Variants in STAT3 observed in about 807,000 individuals in gnomAD.
STAT3 encodes the protein signal transducer and activator of transcription 3.
A neutral mutation model predicts 114.3 loss-of-function variants in STAT3; 7 were observed. The ratio of observed to expected loss-of-function variants is 0.06; its 90% confidence interval spans 0.03 to 0.11. The LOEUF (loss-of-function observed/expected upper bound fraction) is 0.11, where lower values mean the gene tolerates loss of function less well. STAT3 is among the 10% of genes least tolerant of loss of function. The pLI is 1.00. For missense variants in STAT3, 364 were observed against 960.9 expected, an observed-to-expected ratio of 0.38 and a Z score of 8.21; for synonymous variants, 331 against 354.5, an observed-to-expected ratio of 0.93 and a Z score of 0.74.
chr17:42,354,146 C>A (rs1435588431), intron 1 of STAT3, among the ~76,000 whole-genome samples: 3 of 147,422 alleles, frequency 2.0e-5, no homozygotes. Flanking sequence ...CAGAGGAGGG[C>A]TAGTAAGTAG....
At chr17:42,358,675 C>T (rs2083347902) in intron 1 of STAT3, among the ~76,000 whole-genome samples, 3 of 152,106 alleles carry the variant, frequency 2.0e-5, no homozygotes, top group Non-Finnish European at 2.9e-5. Flanking sequence ...ACAGTAGAGA[C>T]GGGAGCTGGA....
Position 42,314,364 on chromosome 17 carries a change from C to G in STAT3, c.*1381G>C, listed in dbSNP as rs868515978. ...TGTGCATCATGTCCAACCTGTAACT[C>G]TCTCCCCCTCTTCTTCCATGAGGTC... On this transcript the variant is annotated 3_prime_UTR_variant, in exon 24 of 24. Coordinates refer to ENST00000264657, the MANE Select transcript of STAT3 (RefSeq NM_139276.3). 2.1e-5 allele frequency: 5 copies of G among 232,982 alleles called. No homozygotes were observed. The highest frequency in any genetic ancestry group is 3.6e-4 in the South Asian group (2 of 5,522). 14.4% of individuals were successfully genotyped at this position (232,982 alleles called of 1,614,324 possible). A position where few individuals can be genotyped will look rare whatever the true frequency, so the allele number is the denominator to read the frequency against.
At chr17:42,321,916 T>C (rs1050201626) in intron 21 of STAT3, among the ~76,000 whole-genome samples, 2 of 152,086 alleles carry the variant, frequency 1.3e-5, no homozygotes, top group African/African-American at 4.8e-5. Context: ...CTTGAACTCC[T>C]TGGCTCAGGT....
chr17:42,387,274 C>A (rs1034202747), intron 1 of STAT3: 4 of 152,152 alleles, frequency 2.6e-5, no homozygotes, highest in Admixed American at 6.6e-5. Context: ...ACTTGGGCGA[C>A]GGTTTGAATC....
intron 1 of STAT3, among the ~76,000 whole-genome samples, chr17:42,384,786 G>A (rs62075782): frequency 6.6e-6 from 1 of 151,664 alleles, no homozygotes; most frequent in African/African-American, 2.4e-5. Flanking sequence ...AAACTCCTGG[G>A]CTCAAGCAAT....
chr17:42,318,139 G>A (rs1271398377), intron 21 of STAT3, among the ~76,000 whole-genome samples: 3 of 139,072 alleles, frequency 2.2e-5, no homozygotes, highest in Admixed American at 2.1e-4. Flanking sequence ...TTTTTTTTTT[G>A]AGACGGAGTC....
chr17:42,345,443 G>T, intron 4 of STAT3, 116 bp downstream of exon 4: 2 of 838,370 alleles, frequency 2.4e-6, no homozygotes, highest in Non-Finnish European at 1.9e-6. Context: ...TATGATTATT[G>T]ATCTATTTAA....
At chr17:42,336,620 C>G (rs1310771253) in intron 8 of STAT3, among the ~76,000 whole-genome samples, 1 of 151,884 alleles carries the variant, frequency 6.6e-6, no homozygotes, top group South Asian at 2.1e-4. Flanking sequence ...AAAAAATGAT[C>G]CTAATATAAA....
chr17:42,371,809 C>T (rs1429003129), intron 1 of STAT3, among the ~76,000 whole-genome samples: 1 of 151,770 alleles, frequency 6.6e-6, no homozygotes, highest in Non-Finnish European at 1.5e-5. Flanking sequence ...CAGTGAAACC[C>T]CATCTCTACT....
chr17:42,356,072 G>T (rs2083210702), intron 1 of STAT3, among the ~76,000 whole-genome samples: 1 of 152,088 alleles, frequency 6.6e-6, no homozygotes, highest in Non-Finnish European at 1.5e-5. Context: ...TTTATCTGCT[G>T]CCTACACTAA....
intron 1 of STAT3, among the ~76,000 whole-genome samples, chr17:42,370,073 C>T (rs1390227976): frequency 6.6e-6 from 1 of 151,878 alleles, no homozygotes; most frequent in African/African-American, 2.4e-5. Flanking sequence ...CTGGTTCAAG[C>T]GATTCTCCTG....
chr17:42,359,043 C>T (rs1401942853), intron 1 of STAT3, among the ~76,000 whole-genome samples: 2 of 148,686 alleles, frequency 1.3e-5, no homozygotes, highest in East Asian at 2.0e-4. Flanking sequence ...TCACACCATT[C>T]TCTTGCCTCA....
At chr17:42,320,938 T>C (rs1028295395) in intron 21 of STAT3, among the ~76,000 whole-genome samples, 8 of 133,560 alleles carry the variant, frequency 6.0e-5, no homozygotes, top group Non-Finnish European at 7.6e-5. Context: ...GTTTTTTTCT[T>C]TCTCTTCTTT....
Position 42,314,773 on chromosome 17 carries a change from G to A in STAT3, c.*972C>T, listed in dbSNP as rs1035712223. On this transcript the variant is annotated 3_prime_UTR_variant, in exon 24 of 24. Coordinates refer to ENST00000264657, the MANE Select transcript of STAT3 (RefSeq NM_139276.3). ...GTCTTAAGGGTTTGACCTGAAGCCC[G>A]TTTCAGGGATTATATAAATTACCAG... The A allele has an allele frequency of 2.4e-5, 5 of 210,254 alleles. No homozygotes were observed. Among genetic ancestry groups the A allele is most frequent in the South Asian group, 1.9e-4 (1 of 5,344 alleles). The allele number at this position is 210,254 out of a possible 1,614,324, so 13.0% of individuals were successfully genotyped here.
At chr17:42,332,230 ATC>A (rs894845602) in intron 10 of STAT3, among the ~76,000 whole-genome samples, 2 of 148,140 alleles carry the variant, frequency 1.4e-5, no homozygotes, top group African/African-American at 5.0e-5. Flanking sequence ...CCTGGCCCCT[ATC>A]TCTCTCTTTA....
rs1189415795 is a variant in STAT3, at chr17:42,324,280, C to T, written c.1600+431G>A. 1.3e-5 allele frequency among the ~76,000 whole-genome samples: 2 copies of T among 152,072 alleles called. No homozygotes were observed. Among genetic ancestry groups the T allele is most frequent in the Admixed American group, 6.6e-5 (1 of 15,260 alleles). On this transcript the variant is annotated intron_variant, in intron 17 of 23. Transcript: ENST00000264657. This position sits in a 1 kb window ranked among gnomAD's most constrained non-coding sequence, Gnocchi z 4.5. ...GTTGCAGTGAGCCGAGATCACACTA[C>T]TGCACTCCAGCCTGGGCAACAGAGC...
intron 1 of STAT3, among the ~76,000 whole-genome samples, chr17:42,378,528 T>G (rs2084599996): frequency 6.6e-6 from 1 of 152,264 alleles, no homozygotes; most frequent in South Asian, 2.1e-4. Flanking sequence ...ATTACAGGCG[T>G]GAGCCATCGC....
At chr17:42,360,898 T>C (rs551985795) in intron 1 of STAT3, among the ~76,000 whole-genome samples, 1 of 152,182 alleles carries the variant, frequency 6.6e-6, no homozygotes, top group East Asian at 1.9e-4. Context: ...AGACCTTGAA[T>C]ATTTTGCTCA....
intron 1 of STAT3, among the ~76,000 whole-genome samples, chr17:42,371,676 CAAAAA>C (rs71359559): frequency 2.2e-5 from 2 of 91,008 alleles, no homozygotes; most frequent in African/African-American, 4.4e-5. Flanking sequence ...AACTCTGTCT[CAAAAA>C]AAAAAAAAAA....
Sources: gnomAD v4.1 joint callset for allele counts (sites outside exome capture counted in the v4.1 genomes callset) on GRCh38, gnomAD v4.1.1 for gene constraint, Gnocchi (gnomAD v3.1) non-coding constraint, MANE v1.5 for transcripts, NCBI Gene and HGNC (gene_info 2026-07-23, HGNC 2026-07-21) for gene names.